The following DNHD1 variants were observed in gnomAD, a reference collection of about 807,000 sequenced individuals.
The protein encoded by DNHD1 is dynein heavy chain domain-containing protein 1.
In DNHD1, 383 loss-of-function variants were observed where a neutral mutation model predicts 458.1. That is an observed-to-expected ratio of 0.84 (90% CI 0.77 to 0.91). The LOEUF (loss-of-function observed/expected upper bound fraction) is 0.91. DNHD1 is among the 40% of genes least tolerant of loss of function. The probability of loss-of-function intolerance (pLI) is 0.00; values close to 1 mark genes in which losing one functional copy is unlikely to be tolerated. For synonymous variants in DNHD1, 2,203 were observed against 2,376.9 expected, an observed-to-expected ratio of 0.93 and a Z score of 2.13; for missense variants, 5,336 against 5,866.1, an observed-to-expected ratio of 0.91 and a Z score of 2.95.
intron 10 of DNHD1, chr11:6,520,883 TACTTTTTAATTTCCTCATTCA>T: frequency 1.0e-6 from 1 of 983,032 alleles, no homozygotes; most frequent in Non-Finnish European, 1.2e-6. Flanking sequence ...GACTCGTCCA[TACTTTTTAATTTCCTCATTCA>T]ACTTCTATCT....
rs562623739 is a variant in DNHD1 at position 6,511,496 on chromosome 11, CTTAGT to C, written c.1392+69_1392+73del. On this transcript the variant is annotated intron_variant, in intron 7 of 42. Transcript: ENST00000254579. The stretch of plus-strand genomic sequence containing the variant: ...GAGCTCCCCAGAGTTTCAGCCTCCT[CTTAGT>C]TAAGTTTCTCCTGGAATCCACTGTA... 4.9e-3 allele frequency: 7,651 copies of C among 1,574,350 alleles called. 29 individuals carry two copies. The highest frequency in any genetic ancestry group is 6.1e-3 in the Non-Finnish European group (7,089 of 1,158,566).
rs943091048 is a variant in DNHD1, at chr11:6,563,243, G to A, written c.9669+112G>A. ...TGACTCATCATGGAATCTCCTGGGGGGAGGGGACAAAGGTAATAGGATGGC... is the reference window on the plus strand; with the variant it reads ...TGACTCATCATGGAATCTCCTGGGGAGAGGGGACAAAGGTAATAGGATGGC... On this transcript the variant is annotated intron_variant, in intron 29 of 42. Coordinates refer to ENST00000254579, the MANE Select transcript of DNHD1 (RefSeq NM_144666.3). 6.0e-5 allele frequency: 92 copies of A among 1,524,590 alleles called. No individual in the cohort carries two copies. The Middle Eastern group carries it at 6.7e-4, about 11-fold the overall frequency. 94.4% of individuals were successfully genotyped at this position (1,524,590 alleles called of 1,614,324 possible).
chr11:6,563,239 G>A, intron 29 of DNHD1, 108 bp downstream of exon 29: 4 of 1,522,222 alleles, frequency 2.6e-6, no homozygotes, highest in South Asian at 2.4e-5. Context: ...GGAATCTCCT[G>A]GGGGGAGGGG....
In DNHD1 at chr11:6,559,219, A is replaced by G. The variant is rs1255634129; in HGVS notation, c.9455A>G (p.Lys3152Arg). 1.3e-6 allele frequency: 2 copies of G among 1,551,734 alleles called. No individual in the cohort carries two copies. Among genetic ancestry groups the G allele is most frequent in the Non-Finnish European group, 8.7e-7 (1 of 1,146,994 alleles). The stretch of plus-strand genomic sequence containing the variant: ...TTGGAGAATCTGAGAATGCTGATTA[A>G]GGAGCACGGTACCCATGCCAATCTG... The part of the protein sequence containing the change: ...NALENLRMLI[K>R]EHGTHANLIF... Residue 3152 changes from lysine (K) to arginine (R), a missense_variant, in exon 28 of 43, where the codon AAG becomes AGG. Around this residue, in one of 4 missense-constraint regions of DNHD1, gnomAD observed 3,932 missense variants for 4,365.6 expected, o/e 0.90. Coordinates refer to ENST00000254579, the MANE Select transcript of DNHD1 (RefSeq NM_144666.3).
chr11:6,541,119 G>A (rs189661127), intron 18 of DNHD1, among the ~76,000 whole-genome samples: 21 of 152,282 alleles, frequency 1.4e-4, no homozygotes, highest in Admixed American at 1.3e-3. Context: ...GAGGGAGGTG[G>A]GGAGAGGACT....
intron 13 of DNHD1, among the ~76,000 whole-genome samples, chr11:6,533,440 C>T (rs1378605149): frequency 1.3e-5 from 2 of 152,194 alleles, no homozygotes; most frequent in African/African-American, 4.8e-5. Flanking sequence ...GTTGCCTTGT[C>T]ATCAAGGTAA....
rs1184104129 is a variant in DNHD1 at position 6,546,277 on chromosome 11, A to C, written c.5338A>C (p.Thr1780Pro). The change falls in exon 21 of 43, where the codon ACC becomes CCC. Residue 1780 changes from threonine (T) to proline (P), a missense_variant. Thr to Pro is a conservative substitution (Grantham distance 38, BLOSUM62 -1). Coordinates refer to ENST00000254579, the MANE Select transcript of DNHD1 (RefSeq NM_144666.3). ...CCGAAACACAAGCACCATAGACCCC[A>C]CCCAGCCCCAGCTCCTTGGCAGTAG... is the stretch of plus-strand genomic sequence containing the variant. ...ASRNTSTIDPTQPQLLGSSFF... is the reference protein window; with the variant it reads ...ASRNTSTIDPPQPQLLGSSFF... 1.5e-5 allele frequency: 24 copies of C among 1,552,126 alleles called. No homozygotes were observed. Among genetic ancestry groups the C allele is most frequent in the Non-Finnish European group, 1.9e-5 (22 of 1,147,114 alleles).
chr11:6,558,779 C>T (rs1205172247), intron 26 of DNHD1, 86 bp downstream of exon 26: 1 of 1,504,680 alleles, frequency 6.6e-7, no homozygotes, highest in South Asian at 1.2e-5. Context: ...CTCTCTCCCT[C>T]TCTAGAGCCT....
In DNHD1 at chr11:6,546,236, T is replaced by G; in HGVS notation, c.5297T>G (p.Leu1766Arg). 6.4e-7 allele frequency: 1 copy of G among 1,552,122 alleles called. No homozygotes were observed. The highest frequency in any genetic ancestry group is 1.2e-5 in the South Asian group (1 of 84,020). ...GAACTGCACCACTTGTATGCCCCACTGTACCAGGAGGCTTCCCGAAACACA... is the reference window on the plus strand; with the variant it reads ...GAACTGCACCACTTGTATGCCCCACGGTACCAGGAGGCTTCCCGAAACACA... The part of the protein sequence containing the change: ...LGELHHLYAP[L>R]YQEASRNTST... The change falls in exon 21 of 43, where the codon CTG (leucine) becomes CGG (arginine). Residue 1766 changes from leucine (L) to arginine (R), a missense_variant. Around this residue, in one of 4 missense-constraint regions of DNHD1, gnomAD observed 3,932 missense variants for 4,365.6 expected, o/e 0.90. Coordinates refer to ENST00000254579, the MANE Select transcript of DNHD1 (RefSeq NM_144666.3).
Position 6,519,726 on chromosome 11 carries a change from C to G in DNHD1, c.1519C>G (p.Leu507Val). ...ACAGCACAAGCAACTGGAGCAGAAGCTGAAGCAAGCAGAGGCCTGGTGGCT... is the reference window on the plus strand; with the variant it reads ...ACAGCACAAGCAACTGGAGCAGAAGGTGAAGCAAGCAGAGGCCTGGTGGCT... ...RVQHKQLEQK[L>V]KQAEAWWLQL... The change falls in exon 8 of 43, where the codon CTG (leucine) becomes GTG (valine). Residue 507 changes from leucine to valine, a missense_variant. Leu to Val is a conservative substitution (Grantham distance 32). Transcript: ENST00000254579. The G allele has an allele frequency of 6.2e-7, 1 of 1,614,186 alleles. No homozygotes were observed. Among genetic ancestry groups the G allele is most frequent in the African/African-American group, 1.3e-5 (1 of 75,064 alleles).
chr11:6,539,122 G>C, intron 16 of DNHD1, 97 bp from the exon 17 acceptor site: 1 of 844,000 alleles, frequency 1.2e-6, no homozygotes, highest in Non-Finnish European at 1.9e-6. Context: ...TCTGGGGTCT[G>C]AGCTGGGCTG....
At chr11:6,562,234 C>A (rs1430030842) in intron 28 of DNHD1, among the ~76,000 whole-genome samples, 1 of 152,084 alleles carries the variant, frequency 6.6e-6, no homozygotes. Context: ...TCAGTTTGTT[C>A]CTTGGGAATC....
At chr11:6,524,499 C>T (rs936197615) in intron 10 of DNHD1, among the ~76,000 whole-genome samples, 2 of 152,144 alleles carry the variant, frequency 1.3e-5, no homozygotes, top group East Asian at 3.8e-4. Context: ...CGACTCCATC[C>T]TTGACTTTAT....
At chr11:6,560,739 A>T (rs895120546) in intron 28 of DNHD1, among the ~76,000 whole-genome samples, 1 of 151,858 alleles carries the variant, frequency 6.6e-6, no homozygotes, top group Non-Finnish European at 1.5e-5. Flanking sequence ...AGTGTTCCCC[A>T]CCCCAAGAAA....
chr11:6,559,143 C>T lies in DNHD1; in HGVS notation c.9416+37C>T, dbSNP rs1044814948. 14 of 1,551,552 alleles carry T rather than the reference C, an allele frequency of 9.0e-6. No homozygotes were observed. The African/African-American group carries it at 1.9e-4, about 21-fold the overall frequency. The stretch of plus-strand genomic sequence containing the variant: ...GTCCCCTGCAGTGTACCTCCTTCTG[C>T]TCCTTTGGGTTTCCTCACCAGCACA... On this transcript the variant is annotated intron_variant, in intron 27 of 42. Transcript: ENST00000254579.
chr11:6,560,721 C>G (rs1853570243), intron 28 of DNHD1, among the ~76,000 whole-genome samples: 1 of 152,188 alleles, frequency 6.6e-6, no homozygotes, highest in Admixed American at 6.5e-5. Context: ...ATAGTGTGTA[C>G]TTCTTCCAGT....
At chr11:6,507,518 C>CAT (rs1381384919) in intron 4 of DNHD1, among the ~76,000 whole-genome samples, 2 of 151,872 alleles carry the variant, frequency 1.3e-5, no homozygotes, top group African/African-American at 4.8e-5. Flanking sequence ...TTAAGCATTA[C>CAT]ATATATATTT....
rs564695361 is a variant in DNHD1 at position 6,545,819 on chromosome 11, C to G, written c.4880C>G (p.Ala1627Gly). 1.3e-6 allele frequency: 2 copies of G among 1,551,928 alleles called. No individual in the cohort carries two copies. The highest frequency in any genetic ancestry group is 4.9e-5 in the East Asian group (2 of 40,924). Residue 1627 changes from alanine (A) to glycine (G), a missense_variant, in exon 21 of 43, where the codon GCA (alanine) becomes GGA (glycine). Ala to Gly is a moderately conservative substitution (Grantham distance 60). Around this residue, in one of 4 missense-constraint regions of DNHD1, gnomAD observed 3,932 missense variants for 4,365.6 expected, o/e 0.90. Transcript: ENST00000254579. The surrounding 1 kb of genome is among the most constrained non-coding windows in gnomAD (Gnocchi z 4.9). Reference protein sequence around the residue: ...KSPLQSLKTIASSEPSLSPAA... With the variant: ...KSPLQSLKTIGSSEPSLSPAA... The stretch of plus-strand genomic sequence containing the variant: ...CCCCTACAGAGTCTTAAGACTATTG[C>G]ATCTTCTGAACCCTCTCTGTCACCA...
chr11:6,533,603 G>A (rs1852877109), intron 13 of DNHD1, 78 bp from the exon 14 acceptor site: 1 of 1,471,966 alleles, frequency 6.8e-7, no homozygotes. Context: ...TCCAAAAGGT[G>A]GGAGTTCCCC....
Sources: gnomAD v4.1 joint callset for allele counts (sites outside exome capture counted in the v4.1 genomes callset) on GRCh38, gnomAD v4.1.1 for gene constraint, gnomAD v4.1.1 regional missense constraint, Gnocchi (gnomAD v3.1) non-coding constraint, MANE v1.5 for transcripts, NCBI Gene and HGNC (gene_info 2026-07-23, HGNC 2026-07-21) for gene names.